CYP2C8: variants seen among roughly 807,000 people sequenced by gnomAD.
CYP2C8 encodes cytochrome P450 2C8.
CYP2C8 carries 51 observed loss-of-function variants against 41.3 expected under a neutral mutation model. The ratio of observed to expected loss-of-function variants is 1.24; its 90% confidence interval spans 0.99 to 1.56. The LOEUF is 1.56. Ranked by LOEUF, CYP2C8 falls within the 40% of genes most tolerant of loss-of-function variation. CYP2C8 has a pLI of 0.00. For synonymous variants in CYP2C8, 218 were observed against 205.8 expected, an observed-to-expected ratio of 1.06 and a Z score of -0.51; for missense variants, 651 against 579.9, an observed-to-expected ratio of 1.12 and a Z score of -1.26.
chr10:95,064,844 T>G lies in CYP2C8; in HGVS notation c.598A>C (p.Arg200=). 6.2e-7 allele frequency: 1 copy of G among 1,614,074 alleles called. No homozygotes were observed. Among genetic ancestry groups the G allele is most frequent in the Non-Finnish European group, 8.5e-7 (1 of 1,179,966 alleles). The change falls in exon 4 of 9, where the codon AGA becomes CGA. Residue 200 remains arginine, a synonymous_variant. Coordinates refer to ENST00000371270, the MANE Select transcript of CYP2C8 (RefSeq NM_000770.3). The part of the protein sequence containing the change: ...KDQNFLTLMK[R]FNENFRILNS... ...AGAATCCTGAAGTTTTCATTGAATC[T>G]TTTCATCAGGGTGAGAAAATTCTGA...
chr10:95,069,462 C>G lies in CYP2C8; in HGVS notation c.-60G>C. 7.5e-7 allele frequency: 1 copy of G among 1,341,266 alleles called. No homozygotes were observed. Among genetic ancestry groups the G allele is most frequent in the Non-Finnish European group, 1.1e-6 (1 of 935,230 alleles). 83.1% of individuals were successfully genotyped at this position (1,341,266 alleles called of 1,614,324 possible). A position where few individuals can be genotyped will look rare whatever the true frequency, so the allele number is the denominator to read the frequency against. ...CTTGCACTCCAAAGTTTTTATAACACTCCCTGCTAATTTAGTGTGTGTCTC... is the reference window on the plus strand; with the variant it reads ...CTTGCACTCCAAAGTTTTTATAACAGTCCCTGCTAATTTAGTGTGTGTCTC... On this transcript the variant is annotated 5_prime_UTR_variant, in exon 1 of 9. Coordinates refer to ENST00000371270, the MANE Select transcript of CYP2C8 (RefSeq NM_000770.3).
chr10:95,066,714 A>T (rs2033576317), intron 3 of CYP2C8, among the ~76,000 whole-genome samples: 1 of 152,154 alleles, frequency 6.6e-6, no homozygotes, highest in Non-Finnish European at 1.5e-5. Flanking sequence ...ACCTGGAAGG[A>T]ATTTCCAGAC....
At position 95,064,902 on chromosome 10, in the gene CYP2C8, G is replaced by A. The variant is rs748646325; in HGVS notation, c.540C>T (p.Ser180=). 4.3e-5 allele frequency: 70 copies of A among 1,613,360 alleles called. No individual in the cohort carries two copies. The highest frequency in any genetic ancestry group is 1.8e-4 in the South Asian group (16 of 91,050). The stretch of plus-strand genomic sequence containing the variant: ...AATCAAATCGTTTCTGGAAAACAAC[G>A]GAGCAGATCACATTGCAGGGAGCAC... ...LGCAPCNVIC[S]VVFQKRFDYK... is the part of the protein sequence containing the mutation. The change falls in exon 4 of 9, where the codon TCC becomes TCT. Residue 180 remains serine, a synonymous_variant. Transcript: ENST00000371270.
chr10:95,037,241 G>A lies in CYP2C8; in HGVS notation c.1360C>T (p.Gln454Ter). 1 of 1,613,868 alleles carries A rather than the reference G, an allele frequency of 6.2e-7. No homozygotes were observed. Among genetic ancestry groups the A allele is most frequent in the Non-Finnish European group, 8.5e-7 (1 of 1,179,850 alleles). Residue 454 changes from glutamine (Q) to a stop codon, truncating the protein, a stop_gained, in exon 9 of 9, where the codon CAG (glutamine) becomes TAG (stop). Coordinates refer to ENST00000371270, the MANE Select transcript of CYP2C8 (RefSeq NM_000770.3). LOFTEE classifies it low-confidence loss of function (END_TRUNC). ...TCAACAGATTTCAGGTTAAAGTTCTGTAAAATTGTGGTTAGAAATAAAAAT... is the reference window on the plus strand; with the variant it reads ...TCAACAGATTTCAGGTTAAAGTTCTATAAAATTGTGGTTAGAAATAAAAAT... Reference protein sequence around the residue: ...ELFLFLTTILQNFNLKSVDDL... With the variant: ...ELFLFLTTIL
At chr10:95,041,777 G>A (rs529146963) in intron 7 of CYP2C8, among the ~76,000 whole-genome samples, 1 of 114,396 alleles carries the variant, frequency 8.7e-6, no homozygotes, top group Non-Finnish European at 1.8e-5. Context: ...GACAGAGCGA[G>A]ACTCCGTCTC....
At chr10:95,037,631 T>C (rs2032913102) in intron 8 of CYP2C8, among the ~76,000 whole-genome samples, 1 of 152,208 alleles carries the variant, frequency 6.6e-6, no homozygotes, top group Non-Finnish European at 1.5e-5. Context: ...AAAACAGCTC[T>C]TTTGCCATTT....
At chr10:95,043,835 T>C (rs1037468573) in intron 6 of CYP2C8, among the ~76,000 whole-genome samples, 2 of 150,522 alleles carry the variant, frequency 1.3e-5, no homozygotes, top group Non-Finnish European at 2.9e-5. Flanking sequence ...CTATTCATTG[T>C]TTACATCATT....
At chr10:95,037,367 A>G (rs2032906581) in intron 8 of CYP2C8, 58 bp from the exon 9 acceptor site, 2 of 1,461,912 alleles carry the variant, frequency 1.4e-6, no homozygotes, top group Admixed American at 1.7e-5. Flanking sequence ...GACTGTGACA[A>G]ACAGTCATTT....
Position 95,067,614 on chromosome 10 carries a change from T to C in CYP2C8, c.246A>G (p.Ala82=). The C allele has an allele frequency of 6.2e-7, 1 of 1,614,168 alleles. No homozygotes were observed. The highest frequency in any genetic ancestry group is 8.5e-7 in the Non-Finnish European group (1 of 1,180,004). ...CATTATCAATCAGGGCTTCCTTCAC[T>C]GCCTCATATCCATGAAACACCACTA... ...NPIVVFHGYE[A]VKEALIDNGE... The change falls in exon 2 of 9, where the codon GCA becomes GCG. Residue 82 remains alanine (A), a synonymous_variant. Transcript: ENST00000371270.
chr10:95,061,294 T>G (rs940087655), intron 4 of CYP2C8, among the ~76,000 whole-genome samples: 7 of 152,228 alleles, frequency 4.6e-5, no homozygotes, highest in Non-Finnish European at 1.0e-4. Flanking sequence ...GTTGGTAAGC[T>G]GTTAATTATT....
At chr10:95,044,946 A>C (rs1404941084) in intron 6 of CYP2C8, among the ~76,000 whole-genome samples, 1 of 152,100 alleles carries the variant, frequency 6.6e-6, no homozygotes, top group Non-Finnish European at 1.5e-5. Context: ...TCAGCCCTCC[A>C]TTGTCTCTCC....
At chr10:95,059,010 C>A (rs750100768) in intron 4 of CYP2C8, among the ~76,000 whole-genome samples, 52 of 151,998 alleles carry the variant, frequency 3.4e-4, no homozygotes, top group Admixed American at 2.8e-3. Context: ...TCCATGGTGT[C>A]TATGTGCCAC....
chr10:95,041,706 G>C (rs12265954), intron 7 of CYP2C8, among the ~76,000 whole-genome samples: 6,529 of 147,890 alleles, frequency 0.044, 449 homozygotes, highest in African/African-American at 0.15. Flanking sequence ...GCGTGAACCC[G>C]GGAAGCGGAG....
chr10:95,066,628 T>A lies in CYP2C8; in HGVS notation c.481+580A>T, dbSNP rs189742845. Among the ~76,000 whole-genome samples the A allele has an allele frequency of 6.0e-4, 91 of 152,244 alleles. 2 individuals are homozygous for A. The East Asian group carries it at 0.015, about 26-fold the overall frequency. On this transcript the variant is annotated intron_variant, in intron 3 of 8. Transcript: ENST00000371270. Reference sequence around the variant, plus strand: ...GTGTTTCCCGAGAAATAAGAACTGATGAAAACTGTACTGAGATATACCTAA... The same window carrying A: ...GTGTTTCCCGAGAAATAAGAACTGAAGAAAACTGTACTGAGATATACCTAA...
chr10:95,061,373 G>A (rs978259488), intron 4 of CYP2C8, among the ~76,000 whole-genome samples: 2 of 151,964 alleles, frequency 1.3e-5, no homozygotes, highest in African/African-American at 4.8e-5. Context: ...GTCTTGGGAG[G>A]GTGTATGTGT....
At chr10:95,038,837 A>G in intron 8 of CYP2C8, 60 bp downstream of exon 8, 1 of 1,561,860 alleles carries the variant, frequency 6.4e-7, no homozygotes, top group Non-Finnish European at 8.8e-7. Flanking sequence ...TGTAAATTCC[A>G]ACTAATTCCA....
intron 4 of CYP2C8, among the ~76,000 whole-genome samples, chr10:95,059,518 A>C (rs1228766146): frequency 2.0e-5 from 3 of 151,964 alleles, no homozygotes. Flanking sequence ...AATTTGTTTG[A>C]GTTCATTGTA....
chr10:95,067,803 CAT>C (rs772907887), intron 1 of CYP2C8, 112 bp from the exon 2 acceptor site: 90 of 1,125,246 alleles, frequency 8.0e-5, no homozygotes, highest in Middle Eastern at 4.0e-4. Flanking sequence ...ATTTGCCACA[CAT>C]AGATTCGATA....
chr10:95,058,460 T>A lies in CYP2C8; in HGVS notation c.694A>T (p.Lys232Ter). ...LIDCFPGTHNKVLKNVALTRS... is the reference protein window; with the variant it reads ...LIDCFPGTHN The stretch of plus-strand genomic sequence containing the variant: ...GTAAGAGCAACATTTTTAAGCACTT[T>A]GTTGTGAGTTCCTGGGAAACAATCA... The change falls in exon 5 of 9, where the codon AAA becomes TAA. Residue 232 changes from lysine to a stop codon, truncating the protein, a stop_gained. Coordinates refer to ENST00000371270, the MANE Select transcript of CYP2C8 (RefSeq NM_000770.3). LOFTEE classifies it high-confidence loss of function. 1.2e-6 allele frequency: 2 copies of A among 1,613,370 alleles called. No individual in the cohort carries two copies. Among genetic ancestry groups the A allele is most frequent in the Non-Finnish European group, 1.7e-6 (2 of 1,179,612 alleles).
Sources: gnomAD v4.1 joint callset for allele counts (sites outside exome capture counted in the v4.1 genomes callset) on GRCh38, gnomAD v4.1.1 for gene constraint, MANE v1.5 for transcripts, NCBI Gene and HGNC (gene_info 2026-07-23, HGNC 2026-07-21) for gene names.